The following LMAN2L variants were observed in gnomAD, a reference collection of about 807,000 sequenced individuals.
LMAN2L encodes the protein lectin, mannose binding 2 like, also known as VIP36-like protein.
Under a neutral mutation model 44.3 loss-of-function variants are expected in LMAN2L, and 30 were observed. The observed-to-expected ratio is 0.68, with a 90% confidence interval of 0.51 to 0.92. The LOEUF is 0.92. Ranked by LOEUF, LMAN2L falls within the 40% of genes least tolerant of loss-of-function variation. The pLI is 0.00. For missense variants in LMAN2L, 429 were observed against 446.1 expected (o/e 0.96, Z 0.35); for synonymous variants, 183 against 171.1 (o/e 1.07, Z -0.54).
At chr2:96,735,634 C>T (rs547946441) in intron 2 of LMAN2L, among the ~76,000 whole-genome samples, 4 of 152,026 alleles carry the variant, frequency 2.6e-5, no homozygotes, top group East Asian at 1.9e-4. Flanking sequence ...GTCAGGAGAT[C>T]GAGACCATCC....
chr2:96,730,591 A>C (rs1452733889), intron 4 of LMAN2L, among the ~76,000 whole-genome samples: 1 of 152,222 alleles, frequency 6.6e-6, no homozygotes, highest in African/African-American at 2.4e-5. Flanking sequence ...ACTGTGCAAC[A>C]TAACAAGACT....
chr2:96,713,086 G>T, intron 4 of LMAN2L: 1 of 1,548,270 alleles, frequency 6.5e-7, no homozygotes, highest in Non-Finnish European at 8.7e-7. Context: ...GGATGCTCAT[G>T]ATGAGCCAAG....
At position 96,705,939 on chromosome 2, in the gene LMAN2L, T is replaced by C. The variant is rs897596008; in HGVS notation, c.*1317A>G. ...AGTCAGAAGCTCATGTTTGGTTCCA[T>C]CGGTGATTTTAAGAATTTCATTTAG... On this transcript the variant is annotated 3_prime_UTR_variant, in exon 8 of 8. Coordinates refer to ENST00000264963, the MANE Select transcript of LMAN2L (RefSeq NM_030805.4). The C allele has an allele frequency of 1.3e-5, 2 of 152,374 alleles. No homozygotes were observed. Among genetic ancestry groups the C allele is most frequent in the South Asian group, 2.1e-4 (1 of 4,832 alleles). 9.4% of individuals were successfully genotyped at this position (152,374 alleles called of 1,614,324 possible).
At chr2:96,708,267 C>T (rs1207195537) in intron 6 of LMAN2L, among the ~76,000 whole-genome samples, 1 of 152,258 alleles carries the variant, frequency 6.6e-6, no homozygotes, top group Non-Finnish European at 1.5e-5. Context: ...CAAGGGTAAA[C>T]AACCAGTACT....
At chr2:96,721,402 G>C (rs1322025967) in intron 4 of LMAN2L, among the ~76,000 whole-genome samples, 1 of 147,700 alleles carries the variant, frequency 6.8e-6, no homozygotes, top group Non-Finnish European at 1.5e-5. Context: ...GTGTGATCAA[G>C]GCTCATTGCA....
At position 96,734,515 on chromosome 2, in the gene LMAN2L, C is replaced by A; in HGVS notation, c.318G>T (p.Leu106=). Residue 106 remains leucine, a synonymous_variant, in exon 3 of 8, where the codon CTG becomes CTT. Coordinates refer to ENST00000264963, the MANE Select transcript of LMAN2L (RefSeq NM_030805.4). ...GALWNRVPCF[L]RDWELQVHFK... is the part of the protein sequence containing the mutation. ...AGTGCACCTGCAACTCCCAGTCTCT[C>A]AGGAAACATGGCTAAAGTGAGAAAG... is the stretch of plus-strand genomic sequence containing the variant. 1.2e-6 allele frequency: 2 copies of A among 1,606,050 alleles called. No individual in the cohort carries two copies. Among genetic ancestry groups the A allele is most frequent in the Non-Finnish European group, 1.7e-6 (2 of 1,172,684 alleles).
chr2:96,717,643 C>T (rs1443492122), intron 4 of LMAN2L, among the ~76,000 whole-genome samples: 1 of 151,644 alleles, frequency 6.6e-6, no homozygotes, highest in Non-Finnish European at 1.5e-5. Flanking sequence ...AGTTCGAGAC[C>T]AGCCTGACCA....
In LMAN2L at chr2:96,722,092, C is replaced by A. The variant is rs1054257617; in HGVS notation, c.508-10067G>T. Among the ~76,000 whole-genome samples, 7 of 151,910 alleles carry A rather than the reference C, an allele frequency of 4.6e-5. No individual in the cohort carries two copies. In the East Asian group the frequency reaches 1.4e-3, roughly 29 times the overall value. On this transcript the variant is annotated intron_variant, in intron 4 of 7. Transcript: ENST00000264963. ...ACGCCATTCTCCTGCCTCAGCCTCC[C>A]GAGTAGCTGGGACCATAGGTGGCCG...
At chr2:96,724,771 C>T (rs1383099772) in intron 4 of LMAN2L, among the ~76,000 whole-genome samples, 4 of 152,150 alleles carry the variant, frequency 2.6e-5, no homozygotes, top group Non-Finnish European at 4.4e-5. Context: ...CTCTGCCTCC[C>T]GAGTAGCTGG....
chr2:96,727,017 G>C (rs1012894920), intron 4 of LMAN2L, among the ~76,000 whole-genome samples: 1 of 151,974 alleles, frequency 6.6e-6, no homozygotes, highest in African/African-American at 2.4e-5. Flanking sequence ...CCGGGAGGCA[G>C]AGGTTGCAGT....
intron 4 of LMAN2L, among the ~76,000 whole-genome samples, chr2:96,716,381 T>C (rs2078041018): frequency 6.6e-6 from 1 of 152,186 alleles, no homozygotes; most frequent in South Asian, 2.1e-4. Flanking sequence ...AAAACTCTGT[T>C]ACCACACAAC....
rs1326796456 is a variant in LMAN2L at position 96,733,524 on chromosome 2, G to A, written c.502C>T (p.Gln168Ter). ...GCTCTGACACTTGCCATTACCTCTT[G>A]CTGCTTCTCCTCATTGGGGTAGGTG... ...VDTYPNEEKQ[Q>*]ERVFPYISAM... Residue 168 changes from glutamine to a stop codon, truncating the protein, a stop_gained, in exon 4 of 8, where the codon CAA (glutamine) becomes TAA (stop). Transcript: ENST00000264963. LOFTEE classifies it high-confidence loss of function. 5 of 1,613,184 alleles carry A rather than the reference G, an allele frequency of 3.1e-6. No homozygotes were observed. The highest frequency in any genetic ancestry group is 4.2e-6 in the Non-Finnish European group (5 of 1,179,370).
chr2:96,707,830 T>C lies in LMAN2L; in HGVS notation c.788A>G (p.Asn263Ser), dbSNP rs2077819388. ...CAACTTCAAGGAAATGACATCATGATTATCTGAAGAAAAATGGAAGAAGGA... is the reference window on the plus strand; with the variant it reads ...CAACTTCAAGGAAATGACATCATGACTATCTGAAGAAAAATGGAAGAAGGA... ...TSSITGDLSD[N>S]HDVISLKLFE... Residue 263 changes from asparagine (N) to serine (S), a missense_variant, in exon 7 of 8, where the codon AAT (asparagine) becomes AGT (serine). Physicochemically the swap from Asn to Ser is conservative, Grantham distance 46 (BLOSUM62 1). Transcript: ENST00000264963. The C allele has an allele frequency of 6.2e-7, 1 of 1,613,494 alleles. No individual in the cohort carries two copies. The highest frequency in any genetic ancestry group is 8.5e-7 in the Non-Finnish European group (1 of 1,179,720).
intron 4 of LMAN2L, among the ~76,000 whole-genome samples, chr2:96,712,692 G>C (rs1222224964): frequency 6.6e-6 from 1 of 152,156 alleles, no homozygotes; most frequent in Admixed American, 6.5e-5. Flanking sequence ...TCCTCCACAC[G>C]TAACTTCTCC....
chr2:96,738,560 T>C lies in LMAN2L; in HGVS notation c.188-493A>G, dbSNP rs182892850. Among the ~76,000 whole-genome samples the C allele has an allele frequency of 2.2e-3, 338 of 152,084 alleles. 2 individuals are homozygous for C. Among genetic ancestry groups the C allele is most frequent in the African/African-American group, 7.9e-3 (327 of 41,504 alleles). On this transcript the variant is annotated intron_variant, in intron 1 of 7. Transcript: ENST00000264963. Reference sequence around the variant, plus strand: ...GTGTGGTAGTCCTTGTCCATAGTCCTAGCTACTCAGGAGGCTGAGTTGGGA... The same window carrying C: ...GTGTGGTAGTCCTTGTCCATAGTCCCAGCTACTCAGGAGGCTGAGTTGGGA...
At chr2:96,711,816 G>A (rs747409727) in intron 5 of LMAN2L, 46 bp from the exon 6 acceptor site, 2 of 1,612,958 alleles carry the variant, frequency 1.2e-6, no homozygotes, top group Admixed American at 3.3e-5. Flanking sequence ...ATGGGAGCAA[G>A]AGCGACACAG....
intron 1 of LMAN2L, 78 bp downstream of exon 1, chr2:96,739,776 G>T: frequency 6.8e-7 from 1 of 1,471,824 alleles, no homozygotes; most frequent in Non-Finnish European, 9.4e-7. Context: ...GAAGCCCTTC[G>T]CCGCCCCCGC....
intron 2 of LMAN2L, 32 bp from the exon 3 acceptor site, chr2:96,734,558 G>C: frequency 1.4e-6 from 2 of 1,408,370 alleles, no homozygotes; most frequent in Non-Finnish European, 2.0e-6. Flanking sequence ...AATCAATGAG[G>C]AGCATGAAAT....
At chr2:96,728,275 C>T (rs924081975) in intron 4 of LMAN2L, among the ~76,000 whole-genome samples, 1 of 150,618 alleles carries the variant, frequency 6.6e-6, no homozygotes, top group Non-Finnish European at 1.5e-5. Context: ...ATCACGAGGT[C>T]AGGAGATCGA....
Sources: allele counts gnomAD v4.1 joint callset (sites outside exome capture counted in the v4.1 genomes callset), GRCh38; gene constraint gnomAD v4.1.1; transcripts MANE v1.5; gene names NCBI Gene and HGNC (gene_info 2026-07-23, HGNC 2026-07-21).